ADCY9: variants seen among roughly 807,000 people sequenced by gnomAD.
ADCY9 encodes the protein adenylate cyclase 9.
Under a neutral mutation model 101.5 loss-of-function variants are expected in ADCY9, and 50 were observed. The observed-to-expected ratio is 0.49, with a 90% CI of 0.39 to 0.62. ADCY9 has a LOEUF of 0.62. ADCY9 is among the 20% of genes least tolerant of loss of function. ADCY9 has a pLI of 0.00. For synonymous variants in ADCY9, 905 were observed against 769.3 expected, an observed-to-expected ratio of 1.18 and a Z score of -2.92; for missense variants, 1,662 against 1,800.4, an observed-to-expected ratio of 0.92 and a Z score of 1.39.
intron 2 of ADCY9, among the ~76,000 whole-genome samples, chr16:4,108,706 CTT>C (rs112428707): frequency 8.0e-5 from 10 of 124,492 alleles, no homozygotes; most frequent in African/African-American, 1.2e-4. Flanking sequence ...GTCCCTCACA[CTT>C]TTTTTTTTTT....
At chr16:3,989,151 T>A in intron 5 of ADCY9, 55 bp from the exon 6 acceptor site, 1 of 1,298,720 alleles carries the variant, frequency 7.7e-7, no homozygotes, top group Non-Finnish European at 1.1e-6. Flanking sequence ...ACTGTGCCAA[T>A]GTTTTCAGAT....
chr16:4,115,626 G>A lies in ADCY9; in HGVS notation c.-44+64C>T, dbSNP rs1004453616. Reference sequence around the variant, plus strand: ...ATCTGTTCCTGTGGTTCCCGGCTCAGCGGTGCTCCCACCGCCCCCACCGCC... The same window carrying A: ...ATCTGTTCCTGTGGTTCCCGGCTCAACGGTGCTCCCACCGCCCCCACCGCC... On this transcript the variant is annotated intron_variant, in intron 1 of 10. Coordinates refer to ENST00000294016, the MANE Select transcript of ADCY9 (RefSeq NM_001116.4). The surrounding 1 kb of genome is among the most constrained non-coding windows in gnomAD (Gnocchi z 6.2). The A allele has an allele frequency of 1.4e-6, 1 of 727,254 alleles. No individual in the cohort carries two copies. Among genetic ancestry groups the A allele is most frequent in the East Asian group, 2.8e-5 (1 of 36,004 alleles). The allele number at this position is 727,254 out of a possible 1,614,324, so 45.1% of individuals were successfully genotyped here. A position where few individuals can be genotyped will look rare whatever the true frequency, so the allele number is the denominator to read the frequency against.
intron 2 of ADCY9, among the ~76,000 whole-genome samples, chr16:4,095,976 C>A (rs367923262): frequency 3.2e-4 from 37 of 115,432 alleles, no homozygotes; most frequent in Admixed American, 3.9e-4. Context: ...GACTCTATCT[C>A]AAAAAAAAAA....
At chr16:4,112,321 C>A (rs1198617365) in intron 2 of ADCY9, among the ~76,000 whole-genome samples, 2 of 152,202 alleles carry the variant, frequency 1.3e-5, no homozygotes, top group Non-Finnish European at 2.9e-5. Context: ...TAGGGGAATT[C>A]TCGGGTGAAA....
At position 4,115,020 on chromosome 16, in the gene ADCY9, T is replaced by C; in HGVS notation, c.423A>G (p.Arg141=). The change falls in exon 2 of 11, where the codon AGA becomes AGG. Residue 141 remains arginine, a synonymous_variant. Transcript: ENST00000294016. The surrounding 1 kb of genome is among the most constrained non-coding windows in gnomAD (Gnocchi z 6.2). Reference sequence around the variant, plus strand: ...GCGCGGGGGCGACCATGACGATCAGTCTGGATCTCATGTGGACCGCAAAAT... The same window carrying C: ...GCGCGGGGGCGACCATGACGATCAGCCTGGATCTCATGTGGACCGCAAAAT... ...SIYFAVHMRS[R]LIVMVAPALC... is the part of the protein sequence containing the mutation. The C allele has an allele frequency of 6.2e-7, 1 of 1,614,054 alleles. No individual in the cohort carries two copies. The highest frequency in any genetic ancestry group is 8.5e-7 in the Non-Finnish European group (1 of 1,180,016).
intron 2 of ADCY9, among the ~76,000 whole-genome samples, chr16:4,098,927 T>G (rs964444771): frequency 1.3e-5 from 2 of 152,086 alleles, no homozygotes; most frequent in Admixed American, 6.6e-5. Flanking sequence ...GGTTTTGTTT[T>G]GTTTTGCTTT....
chr16:3,998,634 G>A (rs367977188), intron 3 of ADCY9, among the ~76,000 whole-genome samples: 7 of 148,234 alleles, frequency 4.7e-5, no homozygotes, highest in South Asian at 2.1e-4. Context: ...TCTTGAACCC[G>A]GGAGGTGGAG....
chr16:3,959,679 A>G (rs1249340225), downstream of ADCY9, among the ~76,000 whole-genome samples: 1 of 152,198 alleles, frequency 6.6e-6, no homozygotes, highest in Non-Finnish European at 1.5e-5. Flanking sequence ...AGCTCTTCAA[A>G]TATATTTAGA....
At chr16:4,106,948 G>A (rs2057081225) in intron 2 of ADCY9, among the ~76,000 whole-genome samples, 1 of 152,194 alleles carries the variant, frequency 6.6e-6, no homozygotes, top group Admixed American at 6.5e-5. Flanking sequence ...CATTCTACCT[G>A]AAAAGACAGC....
intron 2 of ADCY9, among the ~76,000 whole-genome samples, chr16:4,027,118 G>A (rs1037842767): frequency 2.0e-5 from 3 of 152,152 alleles, no homozygotes; most frequent in Non-Finnish European, 4.4e-5. Context: ...TACATAGGGT[G>A]TAACCAAGTA....
intron 2 of ADCY9, among the ~76,000 whole-genome samples, chr16:4,078,079 T>C (rs1436523060): frequency 1.3e-5 from 2 of 152,044 alleles, no homozygotes; most frequent in Admixed American, 6.6e-5. Flanking sequence ...TTCAGCTTCA[T>C]AGTTTCTTAT....
intron 2 of ADCY9, among the ~76,000 whole-genome samples, chr16:4,098,305 A>G (rs574598412): frequency 2.2e-4 from 34 of 151,902 alleles, no homozygotes; most frequent in African/African-American, 7.5e-4. Context: ...TAGTGGTGCA[A>G]TCTCAGCAAC....
intron 2 of ADCY9, among the ~76,000 whole-genome samples, chr16:4,100,640 A>G (rs982009018): frequency 2.6e-5 from 4 of 151,516 alleles, no homozygotes; most frequent in African/African-American, 7.3e-5. Context: ...TCAGGTAGCA[A>G]CTTTATAGCA....
intron 5 of ADCY9, among the ~76,000 whole-genome samples, chr16:3,955,480 G>A (rs548189714): frequency 6.6e-6 from 1 of 152,324 alleles, no homozygotes; most frequent in Non-Finnish European, 1.5e-5. Flanking sequence ...ACAAAACCCA[G>A]TCTCCAGGCA....
At chr16:4,018,517 C>G (rs1050594905) in intron 2 of ADCY9, among the ~76,000 whole-genome samples, 11 of 151,994 alleles carry the variant, frequency 7.2e-5, no homozygotes, top group Non-Finnish European at 1.5e-4. Context: ...CCGGCTGATG[C>G]TGAACATGCG....
chr16:3,966,942 A>G lies in ADCY9; in HGVS notation c.2895T>C (p.Ser965=), dbSNP rs2230741. The change falls in exon 11 of 11, where the codon AGT becomes AGC. Residue 965 remains serine, a synonymous_variant. Transcript: ENST00000294016. ...GCCGCCGGAGGTCACGCGGCACCGA[A>G]CTATTGCACGGGTTCCTCTCGGAAC... The part of the protein sequence containing the change: ...NFSSERNPCN[S]SVPRDLRRPA... 77,230 of 1,613,022 alleles carry G rather than the reference A, an allele frequency of 0.048. 5,931 individuals carry two copies. Among genetic ancestry groups the G allele is most frequent in the African/African-American group, 0.32 (24,263 of 74,972 alleles).
intron 2 of ADCY9, among the ~76,000 whole-genome samples, chr16:4,089,177 T>C (rs2056958174): frequency 6.6e-6 from 1 of 151,836 alleles, no homozygotes; most frequent in Non-Finnish European, 1.5e-5. Context: ...TGGGCTCAGG[T>C]GATCCTCCCG....
intron 2 of ADCY9, among the ~76,000 whole-genome samples, chr16:4,088,412 C>A (rs2056953169): frequency 6.6e-6 from 1 of 152,020 alleles, no homozygotes; most frequent in Admixed American, 6.6e-5. Context: ...CCACCTCAGC[C>A]TCCAGAGTAG....
intron 5 of ADCY9, among the ~76,000 whole-genome samples, chr16:3,957,508 G>A (rs1278265421): frequency 6.6e-6 from 1 of 152,152 alleles, no homozygotes; most frequent in Non-Finnish European, 1.5e-5. Context: ...GCGGAATGGG[G>A]GTGGAGGCCA....
Sources: gnomAD v4.1 joint callset for allele counts (sites outside exome capture counted in the v4.1 genomes callset) on GRCh38, gnomAD v4.1.1 for gene constraint, Gnocchi (gnomAD v3.1) non-coding constraint, MANE v1.5 for transcripts, NCBI Gene and HGNC (gene_info 2026-07-23, HGNC 2026-07-21) for gene names.